AKAP6: variants seen among roughly 807,000 people sequenced by gnomAD.
AKAP6 encodes the protein A-kinase anchoring protein 6, also known as A-kinase anchor protein 6.
Under a neutral mutation model 188.5 loss-of-function variants are expected in AKAP6, and 58 were observed. The observed-to-expected ratio is 0.31, with a 90% CI of 0.25 to 0.38. The LOEUF (loss-of-function observed/expected upper bound fraction) is 0.38. AKAP6 is among the 10% of genes least tolerant of loss of function. AKAP6 has a pLI of 1.00. For missense variants in AKAP6, 2,710 were observed against 2,740.0 expected, an observed-to-expected ratio of 0.99 and a Z score of 0.24; for synonymous variants, 989 against 998.6, an observed-to-expected ratio of 0.99 and a Z score of 0.18.
chr14:32,570,328 G>A (rs1376223719), intron 4 of AKAP6, among the ~76,000 whole-genome samples: 2 of 139,468 alleles, frequency 1.4e-5, no homozygotes, highest in Admixed American at 7.4e-5. Context: ...TTTTTTAGCA[G>A]AGACAAGGTT....
intron 12 of AKAP6, among the ~76,000 whole-genome samples, chr14:32,777,142 CA>C (rs1335143027): frequency 1.3e-5 from 2 of 151,470 alleles, no homozygotes; most frequent in African/African-American, 4.9e-5. Context: ...TGGTCTTGCC[CA>C]AAAAAAACTT....
chr14:32,827,331 A>AC (rs1049124467), intron 13 of AKAP6, among the ~76,000 whole-genome samples: 14 of 151,558 alleles, frequency 9.2e-5, no homozygotes, highest in African/African-American at 3.1e-4. Context: ...AGTAAAATTC[A>AC]CCAAATTCCA....
In AKAP6 at chr14:32,629,968, G is replaced by T. The variant is rs138433461; in HGVS notation, c.2730+29176G>T. Among the ~76,000 whole-genome samples, 75 of 152,158 alleles carry T rather than the reference G, an allele frequency of 4.9e-4. No homozygotes were observed. The East Asian group carries it at 7.2e-3, about 15-fold the overall frequency. On this transcript the variant is annotated intron_variant, in intron 7 of 13. Coordinates refer to ENST00000280979, the MANE Select transcript of AKAP6 (RefSeq NM_004274.5). ...CCATAATTCATTGACTTACTAAAGC[G>T]TTAGTTTGGAATGACCTCATTATGA...
chr14:32,798,152 A>G (rs10146052), intron 12 of AKAP6, among the ~76,000 whole-genome samples: 73,896 of 151,038 alleles, frequency 0.49, 18,132 homozygotes, highest in African/African-American at 0.5. Context: ...AGTGTTCAAT[A>G]TCATTAATCA....
At chr14:32,423,236 C>T (rs2138672253) in intron 1 of AKAP6, among the ~76,000 whole-genome samples, 1 of 152,226 alleles carries the variant, frequency 6.6e-6, no homozygotes. Flanking sequence ...GTGGTGAGAT[C>T]ACAGTTCACT....
At chr14:32,800,057 C>CTATATATATATA (rs1314660429) in intron 12 of AKAP6, among the ~76,000 whole-genome samples, 10 of 104,844 alleles carry the variant, frequency 9.5e-5, no homozygotes, top group Non-Finnish European at 1.6e-4. Context: ...CTCTCTCTCT[C>CTATATATATATA]TCTCTATATA....
chr14:32,750,758 T>C (rs796670294), intron 11 of AKAP6, among the ~76,000 whole-genome samples: 22 of 151,128 alleles, frequency 1.5e-4, no homozygotes, highest in African/African-American at 5.4e-4. Flanking sequence ...TTTGTTTTTT[T>C]TTCAGATGGA....
At position 32,356,661 on chromosome 14, in the gene AKAP6, G is replaced by A. The variant is rs1263678091; in HGVS notation, c.-35+27253G>A. ...GTATGTCATAAAAAGCCCTCCACAG[G>A]CAATGTGATGGGTTCCATCTCTTGC... On this transcript the variant is annotated intron_variant, in intron 1 of 13. Coordinates refer to ENST00000280979, the MANE Select transcript of AKAP6 (RefSeq NM_004274.5). Among the ~76,000 whole-genome samples, 5 of 151,978 alleles carry A rather than the reference G, an allele frequency of 3.3e-5. No individual in the cohort carries two copies. In the South Asian group the frequency reaches 1.0e-3, roughly 32 times the overall value.
At chr14:32,780,621 A>G (rs1032505329) in intron 12 of AKAP6, among the ~76,000 whole-genome samples, 1 of 152,200 alleles carries the variant, frequency 6.6e-6, no homozygotes, top group Non-Finnish European at 1.5e-5. Flanking sequence ...CTCTCTTCTG[A>G]GCCACAAAAC....
intron 12 of AKAP6, among the ~76,000 whole-genome samples, chr14:32,781,735 C>T (rs577919167): frequency 9.2e-5 from 14 of 152,222 alleles, no homozygotes; most frequent in Non-Finnish European, 8.8e-5. Context: ...CCTAGAAATA[C>T]GTAGTTTCAT....
chr14:32,590,760 G>A (rs542097434), intron 5 of AKAP6, among the ~76,000 whole-genome samples: 6 of 152,232 alleles, frequency 3.9e-5, no homozygotes, highest in African/African-American at 1.4e-4. Context: ...CACCAGGAAT[G>A]TCTTCTCAGA....
rs913360957 is a variant in AKAP6, at chr14:32,530,199, A to T, written c.325-5355A>T. Among the ~76,000 whole-genome samples, 9 of 151,820 alleles carry T rather than the reference A, an allele frequency of 5.9e-5. No individual in the cohort carries two copies. The East Asian group carries it at 7.8e-4, about 13-fold the overall frequency. ...GTGCCACCACACTTGACTAATTTTT[A>T]AAAATTTTTATAGTGATGGGGTCTC... On this transcript the variant is annotated intron_variant, in intron 2 of 13. Transcript: ENST00000280979.
chr14:32,355,918 G>T (rs1315041789), intron 1 of AKAP6, among the ~76,000 whole-genome samples: 5 of 151,976 alleles, frequency 3.3e-5, no homozygotes, highest in Non-Finnish European at 7.4e-5. Flanking sequence ...GGGATTACAG[G>T]CGCCTGCCAC....
chr14:32,787,239 C>G (rs1200823166), intron 12 of AKAP6, among the ~76,000 whole-genome samples: 1 of 152,242 alleles, frequency 6.6e-6, no homozygotes, highest in African/African-American at 2.4e-5. Flanking sequence ...GAACCCCACA[C>G]TTTTTCTGCC....
intron 7 of AKAP6, among the ~76,000 whole-genome samples, chr14:32,677,227 C>A (rs940348439): frequency 2.0e-5 from 3 of 152,118 alleles, no homozygotes; most frequent in Admixed American, 2.0e-4. Flanking sequence ...TCTCCGTAGT[C>A]GAGGCTATAA....
rs183644160 is a variant in AKAP6 at position 32,522,449 on chromosome 14, G to A, written c.325-13105G>A. On this transcript the variant is annotated intron_variant, in intron 2 of 13. Transcript: ENST00000280979. The stretch of plus-strand genomic sequence containing the variant: ...TTTACAATCTACCCATCTGACAAAG[G>A]GCTAATATCCAGAATCTACAAAGAA... Among the ~76,000 whole-genome samples the A allele has an allele frequency of 9.7e-3, 1,469 of 152,030 alleles. 29 individuals are homozygous for A. The highest frequency in any genetic ancestry group is 0.033 in the African/African-American group (1,365 of 41,454).
At chr14:32,404,566 G>C (rs929252827) in intron 1 of AKAP6, among the ~76,000 whole-genome samples, 1 of 150,808 alleles carries the variant, frequency 6.6e-6, no homozygotes, top group African/African-American at 2.4e-5. Context: ...AATATCAACT[G>C]CTCCATTTCC....
In AKAP6 at chr14:32,644,228, G is replaced by A. The variant is rs556568804; in HGVS notation, c.2731-34083G>A. Among the ~76,000 whole-genome samples, 24 of 152,302 alleles carry A rather than the reference G, an allele frequency of 1.6e-4. No individual in the cohort carries two copies. The South Asian group carries it at 4.2e-3, about 26-fold the overall frequency. On this transcript the variant is annotated intron_variant, in intron 7 of 13. Coordinates refer to ENST00000280979, the MANE Select transcript of AKAP6 (RefSeq NM_004274.5). ...GTCCACACAGAGCTTAGTCCAAATG[G>A]AGTTGGAGTTATTCTTCAGGAATTT... is the stretch of plus-strand genomic sequence containing the variant.
chr14:32,797,977 A>G (rs923917714), intron 12 of AKAP6, among the ~76,000 whole-genome samples: 15 of 152,026 alleles, frequency 9.9e-5, no homozygotes, highest in African/African-American at 3.6e-4. Flanking sequence ...AATTGGAGAA[A>G]AGATCTGCAA....
Sources: gnomAD v4.1 joint callset for allele counts (sites outside exome capture counted in the v4.1 genomes callset) on GRCh38, gnomAD v4.1.1 for gene constraint, MANE v1.5 for transcripts, NCBI Gene and HGNC (gene_info 2026-07-23, HGNC 2026-07-21) for gene names.